Variants in TBL3 observed in about 807,000 individuals in gnomAD.
The protein encoded by TBL3 is transducin beta like 3.
A neutral mutation model predicts 102.7 loss-of-function variants in TBL3; 71 were observed. That is an observed-to-expected ratio of 0.69 (90% CI 0.57 to 0.84). TBL3 has a LOEUF of 0.84. Among genes scored for constraint, TBL3 ranks in the 40% least tolerant of loss-of-function variants. The probability of loss-of-function intolerance (pLI) is 0.00; values close to 1 mark genes in which losing one functional copy is unlikely to be tolerated. For missense variants in TBL3, 1,188 were observed against 1,098.5 expected, an observed-to-expected ratio of 1.08 and a Z score of -1.15; for synonymous variants, 578 against 477.7, an observed-to-expected ratio of 1.21 and a Z score of -2.74.
At position 1,979,630 on chromosome 16, in the gene TBL3, C is replaced by T; in HGVS notation, c.*945C>T. On this transcript the variant is annotated 3_prime_UTR_variant, in exon 22 of 22. Transcript: ENST00000568546. ...TTCTCCACATTCTCCTTGCTTGAGT[C>T]TGCTGACGGCGGGGCCGCTCTAAGA... The T allele has an allele frequency of 1.5e-6, 2 of 1,340,300 alleles. No individual in the cohort carries two copies. The highest frequency in any genetic ancestry group is 2.1e-6 in the Non-Finnish European group (2 of 961,916). 83.0% of individuals were successfully genotyped at this position (1,340,300 alleles called of 1,614,324 possible).
Position 1,981,281 on chromosome 16 carries a change from GA to G in TBL3, c.*2598del. 1.3e-6 allele frequency: 2 copies of G among 1,541,966 alleles called. No homozygotes were observed. Among genetic ancestry groups the G allele is most frequent in the East Asian group, 2.3e-5 (1 of 42,754 alleles). ...GGGACCCAGAAAACCCCCTGGGATA[GA>G]ATCCTGGCAACACCTCAAGCCTGTG... On this transcript the variant is annotated 3_prime_UTR_variant, in exon 22 of 22. Transcript: ENST00000568546.
Position 1,981,678 on chromosome 16 carries a change from G to A in TBL3, c.*2993G>A, listed in dbSNP as rs66464448. 14,991 of 168,320 alleles carry A rather than the reference G, an allele frequency of 0.089. 740 individuals are homozygous for A. Among genetic ancestry groups the A allele is most frequent in the African/African-American group, 0.098 (4,095 of 41,910 alleles). The allele number at this position is 168,320 out of a possible 1,614,324, so 10.4% of individuals were successfully genotyped here. A position where few individuals can be genotyped will look rare whatever the true frequency, so the allele number is the denominator to read the frequency against. ...CTGGGGATTTCTGTGCAGAACCAAG[G>A]ACTCAGTGCTTACAGCTTTAAGTGC... On this transcript the variant is annotated 3_prime_UTR_variant, in exon 22 of 22. Coordinates refer to ENST00000568546, the MANE Select transcript of TBL3 (RefSeq NM_006453.3).
At chr16:1,972,825 CA>C (rs1199868514) in intron 1 of TBL3, among the ~76,000 whole-genome samples, 1 of 152,176 alleles carries the variant, frequency 6.6e-6, no homozygotes, top group African/African-American at 2.4e-5. Flanking sequence ...GTGGGAGGGT[CA>C]ACTGGGTGCG....
chr16:1,978,249 G>A (rs771831726), intron 20 of TBL3, 29 bp downstream of exon 20: 102 of 1,612,432 alleles, frequency 6.3e-5, no homozygotes, highest in Middle Eastern at 1.6e-4. Flanking sequence ...TGGGTGGCCC[G>A]GTGGGCAAGG....
Position 1,972,084 on chromosome 16 carries a change from G to T in TBL3, c.-81G>T. ...CGCCGGGAGTGTGGCGTTCTGTGAA[G>T]AGTTCGGTGCTAACCTCCCTCACGC... On this transcript the variant is annotated 5_prime_UTR_variant, in exon 1 of 22. Coordinates refer to ENST00000568546, the MANE Select transcript of TBL3 (RefSeq NM_006453.3). 7.2e-7 allele frequency: 1 copy of T among 1,385,576 alleles called. No homozygotes were observed. Among genetic ancestry groups the T allele is most frequent in the South Asian group, 1.5e-5 (1 of 64,956 alleles). The allele number at this position is 1,385,576 out of a possible 1,614,324, so 85.8% of individuals were successfully genotyped here. A position where few individuals can be genotyped will look rare whatever the true frequency, so the allele number is the denominator to read the frequency against.
rs2083398742 is a variant in TBL3 at position 1,976,029 on chromosome 16, GACCTATAC to G, written c.1130-26_1130-19del. 6.2e-7 allele frequency: 1 copy of G among 1,614,062 alleles called. No homozygotes were observed. The highest frequency in any genetic ancestry group is 1.3e-5 in the African/African-American group (1 of 74,948). On this transcript the variant is annotated intron_variant, in intron 11 of 21. Coordinates refer to ENST00000568546, the MANE Select transcript of TBL3 (RefSeq NM_006453.3). ...CTTCCCTTCCCCCGTCTTGCTGTGT[GACCTATAC>G]CTCCCCACAACATCTCAGATATCGT... is the stretch of plus-strand genomic sequence containing the variant.
Position 1,980,261 on chromosome 16 carries a change from C to T in TBL3, c.*1576C>T, listed in dbSNP as rs1376719408. The T allele has an allele frequency of 6.6e-7, 1 of 1,518,486 alleles. No individual in the cohort carries two copies. Among genetic ancestry groups the T allele is most frequent in the African/African-American group, 1.4e-5 (1 of 73,348 alleles). 94.1% of individuals were successfully genotyped at this position (1,518,486 alleles called of 1,614,324 possible). On this transcript the variant is annotated 3_prime_UTR_variant, in exon 22 of 22. Transcript: ENST00000568546. The stretch of plus-strand genomic sequence containing the variant: ...GGGGGCGCCACCCCGGCAAGACCGC[C>T]AGCCTCCCACTCTCTGCCCCTATTC...
Position 1,974,767 on chromosome 16 carries a change from C to A in TBL3, c.384C>A (p.Gly128=). ...DPTSTLLATG[G]CDGAVRVWDI... ...CCTCACCTTGCTTCCCCGCAGGTGG[C>A]TGTGATGGGGCCGTGCGCGTCTGGG... The change falls in exon 6 of 22, where the codon GGC becomes GGA. Residue 128 remains glycine (G), a synonymous_variant. Coordinates refer to ENST00000568546, the MANE Select transcript of TBL3 (RefSeq NM_006453.3). 6.2e-7 allele frequency: 1 copy of A among 1,612,780 alleles called. No individual in the cohort carries two copies. Among genetic ancestry groups the A allele is most frequent in the Non-Finnish European group, 8.5e-7 (1 of 1,179,968 alleles).
At position 1,981,223 on chromosome 16, in the gene TBL3, C is replaced by A. The variant is rs368391684; in HGVS notation, c.*2538C>A. 6.2e-7 allele frequency: 1 copy of A among 1,611,670 alleles called. No individual in the cohort carries two copies. Among genetic ancestry groups the A allele is most frequent in the South Asian group, 1.1e-5 (1 of 90,954 alleles). On this transcript the variant is annotated 3_prime_UTR_variant, in exon 22 of 22. Coordinates refer to ENST00000568546, the MANE Select transcript of TBL3 (RefSeq NM_006453.3). ...GCAGATTCCTGAAATGGGCGAGGAC[C>A]CTTCTGCCTCCCCGTGCTTGAGAGG... is the stretch of plus-strand genomic sequence containing the variant.
At chr16:1,976,460 C>A in intron 13 of TBL3, 146 bp downstream of exon 13, 1 of 712,680 alleles carries the variant, frequency 1.4e-6, no homozygotes, top group Non-Finnish European at 2.4e-6. Context: ...CAGAACAGGA[C>A]AGGAGAGTCC....
chr16:1,974,647 C>G lies in TBL3; in HGVS notation c.347C>G (p.Ala116Gly). The G allele has an allele frequency of 6.2e-7, 1 of 1,609,054 alleles. No individual in the cohort carries two copies. The highest frequency in any genetic ancestry group is 1.7e-5 in the Admixed American group (1 of 59,906). Residue 116 changes from alanine (A) to glycine (G), a missense_variant, in exon 5 of 22, where the codon GCC (alanine) becomes GGC (glycine). Transcript: ENST00000568546. Reference protein sequence around the residue: ...AIHTAPVATMAFDPTSTLLAT... With the variant: ...AIHTAPVATMGFDPTSTLLAT... Reference sequence around the variant, plus strand: ...CACACGGCCCCCGTGGCCACCATGGCCTTCGACCCCACCTCCACTCTGCTA... The same window carrying G: ...CACACGGCCCCCGTGGCCACCATGGGCTTCGACCCCACCTCCACTCTGCTA...
At chr16:1,975,163 C>G in intron 7 of TBL3, 24 bp from the exon 8 acceptor site, 2 of 1,613,734 alleles carry the variant, frequency 1.2e-6, no homozygotes, top group South Asian at 2.2e-5. Context: ...AAGACTTGAC[C>G]TGAGGTTGCC....
At position 1,978,554 on chromosome 16, in the gene TBL3, C is replaced by T. The variant is rs749465592; in HGVS notation, c.2296C>T (p.Arg766Trp). ...GACCTCCCTCTGTCCAACCCCAGAGCGGCACTTTCAGCGGCTCAGCAGGAC... is the reference window on the plus strand; with the variant it reads ...GACCTCCCTCTGTCCAACCCCAGAGTGGCACTTTCAGCGGCTCAGCAGGAC... ...ALEALLPYTE[R>W]HFQRLSRTLQ... The change falls in exon 22 of 22, where the codon CGG (arginine) becomes TGG (tryptophan). Residue 766 changes from arginine (R) to tryptophan (W), a missense_variant and splice_region_variant. Arg to Trp is a moderately radical substitution (Grantham distance 101). Coordinates refer to ENST00000568546, the MANE Select transcript of TBL3 (RefSeq NM_006453.3). 1.9e-6 allele frequency: 3 copies of T among 1,605,492 alleles called. No individual in the cohort carries two copies. Among genetic ancestry groups the T allele is most frequent in the Non-Finnish European group, 2.6e-6 (3 of 1,174,586 alleles).
Position 1,980,740 on chromosome 16 carries a change from G to T in TBL3, c.*2055G>T. ...GTCTCCTTGAGGGTCTTCTGAGGGC[G>T]GGAACCAGGGCATTGGTCTTCCAGA... On this transcript the variant is annotated 3_prime_UTR_variant, in exon 22 of 22. Transcript: ENST00000568546. 1 of 1,589,922 alleles carries T rather than the reference G, an allele frequency of 6.3e-7. No homozygotes were observed. Among genetic ancestry groups the T allele is most frequent in the East Asian group, 2.3e-5 (1 of 43,964 alleles).
Position 1,975,416 on chromosome 16 carries a change from C to T in TBL3, c.783C>T (p.Tyr261=). The T allele has an allele frequency of 6.2e-7, 1 of 1,613,910 alleles. No individual in the cohort carries two copies. Among genetic ancestry groups the T allele is most frequent in the Non-Finnish European group, 8.5e-7 (1 of 1,179,954 alleles). Reference sequence around the variant, plus strand: ...TGGGTGTGAAGTCCCCAGGGCTGTACTTTCTGACAGCTGGCGACCAAGGTG... The same window carrying T: ...TGGGTGTGAAGTCCCCAGGGCTGTATTTTCTGACAGCTGGCGACCAAGGTG... ...SQLGVKSPGL[Y]FLTAGDQGTL... is the part of the protein sequence containing the mutation. The change falls in exon 9 of 22, where the codon TAC becomes TAT. Residue 261 remains tyrosine, a synonymous_variant. Transcript: ENST00000568546.
rs988804279 is a variant in TBL3 at position 1,979,261 on chromosome 16, C to T, written c.*576C>T. The T allele has an allele frequency of 2.6e-6, 4 of 1,535,014 alleles. No individual in the cohort carries two copies. The African/African-American group carries it at 4.2e-5, about 16-fold the overall frequency. ...CGGGCCTCACCCGCCGGGTCGTCTC[C>T]TCCACGGAACCCCGTCCCGCTCAGG... On this transcript the variant is annotated 3_prime_UTR_variant, in exon 22 of 22. Coordinates refer to ENST00000568546, the MANE Select transcript of TBL3 (RefSeq NM_006453.3).
chr16:1,974,152 C>CG (rs759212096), intron 2 of TBL3, 45 bp downstream of exon 2: 28 of 1,564,204 alleles, frequency 1.8e-5, no homozygotes, highest in South Asian at 1.8e-4. Flanking sequence ...CCAGAGGCCG[C>CG]GGGGGGTGCT....
In TBL3 at chr16:1,974,735, T is replaced by C. The variant is rs752869423; in HGVS notation, c.380-28T>C. On this transcript the variant is annotated intron_variant, in intron 5 of 21. Coordinates refer to ENST00000568546, the MANE Select transcript of TBL3 (RefSeq NM_006453.3). ...GCACAGATGCAGGGGCTTTGGGCAT[T>C]CCACCCCCTCACCTTGCTTCCCCGC... 41 of 1,611,936 alleles carry C rather than the reference T, an allele frequency of 2.5e-5. No homozygotes were observed. In the South Asian group the frequency reaches 3.6e-4, roughly 14 times the overall value.
At chr16:1,975,465 C>A (rs375491974) in intron 9 of TBL3, 27 bp downstream of exon 9, 1 of 1,610,630 alleles carries the variant, frequency 6.2e-7, no homozygotes, top group Non-Finnish European at 8.5e-7. Flanking sequence ...CATGGGCAGG[C>A]GGTAGGGGCT....
Sources: gnomAD v4.1 joint callset for allele counts (sites outside exome capture counted in the v4.1 genomes callset) on GRCh38, gnomAD v4.1.1 for gene constraint, MANE v1.5 for transcripts, NCBI Gene and HGNC (gene_info 2026-07-23, HGNC 2026-07-21) for gene names.